Variants in MGMT observed in about 807,000 individuals in gnomAD.
MGMT encodes the protein methylated-DNA--protein-cysteine methyltransferase.
MGMT carries 14 observed loss-of-function variants against 15.9 expected under a neutral mutation model. The observed-to-expected ratio is 0.88, with a 90% CI of 0.58 to 1.37. MGMT has a LOEUF of 1.37. Among genes scored for constraint, MGMT ranks in the 40% most tolerant of loss-of-function variants. The pLI, the probability that MGMT is intolerant of heterozygous loss-of-function variation, is 0.00. For missense variants in MGMT, 282 were observed against 268.1 expected, an observed-to-expected ratio of 1.05 and a Z score of -0.36; for synonymous variants, 130 against 118.2, an observed-to-expected ratio of 1.10 and a Z score of -0.65.
intron 1 of MGMT, among the ~76,000 whole-genome samples, chr10:129,499,114 A>C (rs1266372359): frequency 6.6e-6 from 1 of 152,248 alleles, no homozygotes; most frequent in Non-Finnish European, 1.5e-5. Flanking sequence ...TCCTTTAAAA[A>C]GAATCTGGTA....
In MGMT at chr10:129,769,270, C is replaced by T. The variant is rs1340284144; in HGVS notation, c.*2273C>T. 6.6e-6 allele frequency: 1 copy of T among 152,228 alleles called. No homozygotes were observed. The highest frequency in any genetic ancestry group is 2.4e-5 in the African/African-American group (1 of 41,452). The allele number at this position is 152,228 out of a possible 1,614,324, so 9.4% of individuals were successfully genotyped here. On this transcript the variant is annotated 3_prime_UTR_variant, in exon 5 of 5. Coordinates refer to ENST00000651593, the MANE Select transcript of MGMT (RefSeq NM_002412.5). ...GGCTCAAACCGGCGGGGCCGTGTACCGCTCCAAGGACAAGCTCTGCCGAGG... is the reference window on the plus strand; with the variant it reads ...GGCTCAAACCGGCGGGGCCGTGTACTGCTCCAAGGACAAGCTCTGCCGAGG...
chr10:129,620,701 A>G (rs1380539524), intron 2 of MGMT, among the ~76,000 whole-genome samples: 4 of 151,452 alleles, frequency 2.6e-5, no homozygotes, highest in East Asian at 1.9e-4. Context: ...CTTTTGATCT[A>G]TTTCTTTATA....
At chr10:129,517,152 T>C (rs2119712259) in intron 1 of MGMT, among the ~76,000 whole-genome samples, 1 of 152,326 alleles carries the variant, frequency 6.6e-6, no homozygotes, top group South Asian at 2.1e-4. Flanking sequence ...GGAGAGGTCA[T>C]AGCTGGAGCT....
At chr10:129,572,995 G>A (rs1846437780) in intron 2 of MGMT, among the ~76,000 whole-genome samples, 1 of 152,154 alleles carries the variant, frequency 6.6e-6, no homozygotes, top group Non-Finnish European at 1.5e-5. Context: ...ACTTGCACAA[G>A]TCTGTGTATA....
intron 2 of MGMT, among the ~76,000 whole-genome samples, chr10:129,661,754 C>T (rs1411500786): frequency 1.3e-5 from 2 of 152,172 alleles, no homozygotes; most frequent in East Asian, 1.9e-4. Flanking sequence ...AGTTTTGAGT[C>T]CTGCTTTGAA....
At chr10:129,504,860 G>A (rs546329719) in intron 1 of MGMT, among the ~76,000 whole-genome samples, 1 of 152,124 alleles carries the variant, frequency 6.6e-6, no homozygotes, top group African/African-American at 2.4e-5. Flanking sequence ...GCAATTGATT[G>A]TACTGTAGTG....
At chr10:129,578,306 G>T (rs1428189663) in intron 2 of MGMT, among the ~76,000 whole-genome samples, 1 of 152,130 alleles carries the variant, frequency 6.6e-6, no homozygotes, top group East Asian at 1.9e-4. Context: ...ATGATAGACT[G>T]GATTAAGAAA....
chr10:129,467,877 C>T (rs1197518278), intron 1 of MGMT, among the ~76,000 whole-genome samples: 3 of 152,302 alleles, frequency 2.0e-5, no homozygotes, highest in East Asian at 3.9e-4. Flanking sequence ...GTTATAACAC[C>T]GCAGAGGAGT....
chr10:129,768,619 C>A lies in MGMT; in HGVS notation c.*1622C>A, dbSNP rs568669730. Among the ~76,000 whole-genome samples the A allele has an allele frequency of 2.0e-5, 3 of 152,360 alleles. No individual in the cohort carries two copies. In the East Asian group the frequency reaches 5.8e-4, roughly 29 times the overall value. On this transcript the variant is annotated 3_prime_UTR_variant, in exon 5 of 5. Transcript: ENST00000651593. ...ATGGCCGGTCACCAGGCACGGCTTT[C>A]CCCTCTGCATGAACAGAACAGAAGC...
At position 129,536,389 on chromosome 10, in the gene MGMT, C is replaced by T; in HGVS notation, c.125+12C>T. 1.9e-6 allele frequency: 3 copies of T among 1,608,976 alleles called. No homozygotes were observed. Among genetic ancestry groups the T allele is most frequent in the Non-Finnish European group, 2.5e-6 (3 of 1,178,678 alleles). On this transcript the variant is annotated intron_variant, in intron 2 of 4. Transcript: ENST00000651593. ...ACGTCTGCAGCTGAGTAAGTATGAG[C>T]CCACGTGATCCTGTATACCGCACAT...
intron 2 of MGMT, among the ~76,000 whole-genome samples, chr10:129,647,260 A>G (rs1847408068): frequency 7.3e-6 from 1 of 136,432 alleles, no homozygotes; most frequent in Non-Finnish European, 1.6e-5. Context: ...GGAGGGATTC[A>G]GGGGCTGCTG....
chr10:129,669,870 T>C (rs556432595), intron 2 of MGMT, among the ~76,000 whole-genome samples: 16 of 152,210 alleles, frequency 1.1e-4, no homozygotes, highest in Non-Finnish European at 2.2e-4. Flanking sequence ...CCTTGTAACT[T>C]TAGGTTGAAT....
At chr10:129,550,529 C>T (rs1403879034) in intron 2 of MGMT, among the ~76,000 whole-genome samples, 2 of 151,570 alleles carry the variant, frequency 1.3e-5, no homozygotes, top group East Asian at 1.9e-4. Flanking sequence ...TCACTGCAAC[C>T]TCCATCTCCC....
At chr10:129,595,236 G>A (rs932665769) in intron 2 of MGMT, among the ~76,000 whole-genome samples, 4 of 152,188 alleles carry the variant, frequency 2.6e-5, no homozygotes, top group Non-Finnish European at 5.9e-5. Flanking sequence ...GTGCCTTTGA[G>A]GAGACGGACA....
At chr10:129,715,383 T>C (rs1848282062) in intron 3 of MGMT, 1 of 152,226 alleles carries the variant, frequency 6.6e-6, no homozygotes, top group Non-Finnish European at 1.5e-5. Flanking sequence ...TGTGAGGAAA[T>C]GTAAATTGCA....
At chr10:129,498,814 G>C (rs949913569) in intron 1 of MGMT, among the ~76,000 whole-genome samples, 2 of 152,320 alleles carry the variant, frequency 1.3e-5, no homozygotes, top group Admixed American at 6.5e-5. Context: ...TAGCAGCCAA[G>C]ATCTGGGTGC....
chr10:129,750,534 G>T (rs1848740724), intron 3 of MGMT, among the ~76,000 whole-genome samples: 1 of 152,092 alleles, frequency 6.6e-6, no homozygotes, highest in Admixed American at 6.6e-5. Flanking sequence ...AAAGCGTACA[G>T]ACTTTTTCTC....
chr10:129,570,145 A>G (rs1444669752), intron 2 of MGMT, among the ~76,000 whole-genome samples: 1 of 152,260 alleles, frequency 6.6e-6, no homozygotes, highest in Non-Finnish European at 1.5e-5. Context: ...ACATTTGCAC[A>G]CTGACATTGG....
At chr10:129,494,982 T>C (rs1478798033) in intron 1 of MGMT, among the ~76,000 whole-genome samples, 1 of 152,170 alleles carries the variant, frequency 6.6e-6, no homozygotes, top group Non-Finnish European at 1.5e-5. Context: ...AAAGATAAAA[T>C]AGGCTGAAGC....
Sources: gnomAD v4.1 joint callset for allele counts (sites outside exome capture counted in the v4.1 genomes callset) on GRCh38, gnomAD v4.1.1 for gene constraint, MANE v1.5 for transcripts, NCBI Gene and HGNC (gene_info 2026-07-23, HGNC 2026-07-21) for gene names.